The following SAFB2 variants were observed in gnomAD, a reference collection of about 807,000 sequenced individuals.
SAFB2 encodes scaffold attachment factor B2.
SAFB2 carries 32 observed loss-of-function variants against 100.6 expected under a neutral mutation model. That is an observed-to-expected ratio of 0.32 (90% CI 0.24 to 0.43). SAFB2 has a LOEUF of 0.43. Among genes scored for constraint, SAFB2 ranks in the 20% least tolerant of loss-of-function variants. The pLI is 1.00. For synonymous variants in SAFB2, 500 were observed against 439.4 expected, an observed-to-expected ratio of 1.14 and a Z score of -1.72; for missense variants, 1,185 against 1,163.4, an observed-to-expected ratio of 1.02 and a Z score of -0.27.
At chr19:5,592,694 A>C in intron 16 of SAFB2, 53 bp downstream of exon 16, 1 of 1,605,232 alleles carries the variant, frequency 6.2e-7, no homozygotes, top group Non-Finnish European at 8.5e-7. Context: ...GGTCAGCTGG[A>C]TGCCCCGGTG....
At chr19:5,619,672 C>T (rs1022436018) in intron 2 of SAFB2, among the ~76,000 whole-genome samples, 1 of 152,032 alleles carries the variant, frequency 6.6e-6, no homozygotes, top group African/African-American at 2.4e-5. Context: ...GGTGAAACCA[C>T]GTTTCTACTA....
intron 9 of SAFB2, among the ~76,000 whole-genome samples, chr19:5,609,751 T>C (rs2052865778): frequency 6.6e-6 from 1 of 152,228 alleles, no homozygotes; most frequent in Non-Finnish European, 1.5e-5. Flanking sequence ...CCCTAGTTAC[T>C]GTGAGTCAGG....
chr19:5,619,912 T>C lies in SAFB2; in HGVS notation c.274+1397A>G, dbSNP rs60218719. Reference sequence around the variant, plus strand: ...CAAGGATATTTTGAGTAGTAAGTCTTGAACTTTACAGTTTTAAAATGAGCA... The same window carrying C: ...CAAGGATATTTTGAGTAGTAAGTCTCGAACTTTACAGTTTTAAAATGAGCA... On this transcript the variant is annotated intron_variant, in intron 2 of 20. Coordinates refer to ENST00000252542, the MANE Select transcript of SAFB2 (RefSeq NM_014649.3). Among the ~76,000 whole-genome samples the C allele has an allele frequency of 8.8e-3, 1,332 of 152,196 alleles. 14 individuals are homozygous for C. Among genetic ancestry groups the C allele is most frequent in the South Asian group, 0.013 (61 of 4,824 alleles).
rs1310392844 is a variant in SAFB2, at chr19:5,594,032, C to T, written c.2066G>A (p.Arg689His). 2 of 1,570,114 alleles carry T rather than the reference C, an allele frequency of 1.3e-6. No homozygotes were observed. The highest frequency in any genetic ancestry group is 1.7e-6 in the Non-Finnish European group (2 of 1,164,724). The part of the protein sequence containing the change: ...RERMERERLE[R>H]ERMRVERERR... ...CTCACGCTCCACGCGCATGCGCTCG[C>T]GCTCCAGCCGCTCCCGCTCCATGCG... The change falls in exon 15 of 21, where the codon CGC (arginine) becomes CAC (histidine). Residue 689 changes from arginine to histidine, a missense_variant. By Grantham distance (29) the Arg-to-His change is conservative. This residue lies in a region of SAFB2 where 740 missense variants were observed against 687.1 expected (regional missense o/e 1.08). Coordinates refer to ENST00000252542, the MANE Select transcript of SAFB2 (RefSeq NM_014649.3).
At position 5,611,526 on chromosome 19, in the gene SAFB2, C is replaced by T. The variant is rs780031568; in HGVS notation, c.739G>A (p.Val247Met). The T allele has an allele frequency of 1.8e-5, 8 of 454,540 alleles. No homozygotes were observed. The highest frequency in any genetic ancestry group is 2.6e-5 in the Non-Finnish European group (7 of 269,812). The allele number at this position is 454,540 out of a possible 1,614,324, so 28.2% of individuals were successfully genotyped here. The change falls in exon 7 of 21, where the codon GTG becomes ATG. Residue 247 changes from valine to methionine, a missense_variant. By Grantham distance (21) the Val-to-Met change is conservative. Coordinates refer to ENST00000252542, the MANE Select transcript of SAFB2 (RefSeq NM_014649.3). ...EQPFAQDTSSVGPDRKLAEEE... is the reference protein window; with the variant it reads ...EQPFAQDTSSMGPDRKLAEEE... ...TCCGCAAGCTTTCTGTCTGGCCCCA[C>T]GCTACTTGTGTCCTGTGCAAATGGC...
chr19:5,618,200 T>C (rs932889208), intron 2 of SAFB2, among the ~76,000 whole-genome samples: 1 of 151,898 alleles, frequency 6.6e-6, no homozygotes, highest in Admixed American at 6.5e-5. Flanking sequence ...CCGTCTCTAC[T>C]AAAAATAGAA....
Position 5,587,398 on chromosome 19 carries a change from G to GC in SAFB2, c.2706dup (p.Arg903AlafsTer67), listed in dbSNP as rs768534970. ...TGTCCACCTTGTGCAAAGCCGCCTC[G>GC]CCTAGGAACAAAGTCAGACAATTTT... On this transcript the variant is annotated frameshift_variant and splice_region_variant, in exon 21 of 21. Coordinates refer to ENST00000252542, the MANE Select transcript of SAFB2 (RefSeq NM_014649.3). LOFTEE classifies it low-confidence loss of function (END_TRUNC). The surrounding 1 kb of genome is among the most constrained non-coding windows in gnomAD (Gnocchi z 4.9). The GC allele has an allele frequency of 6.2e-7, 1 of 1,609,912 alleles. No individual in the cohort carries two copies. Among genetic ancestry groups the GC allele is most frequent in the South Asian group, 1.1e-5 (1 of 90,302 alleles).
intron 9 of SAFB2, among the ~76,000 whole-genome samples, chr19:5,606,445 G>T (rs947731690): frequency 6.6e-6 from 1 of 152,206 alleles, no homozygotes; most frequent in Non-Finnish European, 1.5e-5. Context: ...GGGCAACACA[G>T]AGAAACCACA....
chr19:5,589,254 G>A (rs1282184926), intron 18 of SAFB2, among the ~76,000 whole-genome samples: 2 of 152,226 alleles, frequency 1.3e-5, no homozygotes, highest in African/African-American at 4.8e-5. Flanking sequence ...GCAAGCGACA[G>A]GACAGGAATG....
Position 5,612,579 on chromosome 19 carries a change from AG to A in SAFB2, c.607-13del. The A allele has an allele frequency of 1.2e-6, 2 of 1,611,600 alleles. No homozygotes were observed. The highest frequency in any genetic ancestry group is 1.7e-6 in the Non-Finnish European group (2 of 1,178,352). On this transcript the variant is annotated splice_polypyrimidine_tract_variant and intron_variant, in intron 5 of 20. Transcript: ENST00000252542. The stretch of plus-strand genomic sequence containing the variant: ...GATTCTTCAATGTCCTATTTAAAAA[AG>A]AAAAAGCAAATCCACAAGTCACTTT...
chr19:5,602,193 G>A (rs1010259580), intron 11 of SAFB2, among the ~76,000 whole-genome samples: 5 of 151,936 alleles, frequency 3.3e-5, no homozygotes, highest in African/African-American at 1.2e-4. Context: ...AAGATCTTAA[G>A]TTCGCCGGGC....
intron 2 of SAFB2, among the ~76,000 whole-genome samples, chr19:5,618,803 G>A (rs1202812206): frequency 1.3e-5 from 2 of 152,218 alleles, no homozygotes; most frequent in African/African-American, 4.8e-5. Flanking sequence ...CCGGCACCTG[G>A]CATTGGCCAA....
intron 18 of SAFB2, 150 bp downstream of exon 18, chr19:5,590,128 G>C (rs2052359120): frequency 1.5e-6 from 1 of 663,416 alleles, no homozygotes; most frequent in Non-Finnish European, 2.4e-6. Flanking sequence ...TGGACTTTCT[G>C]AGTCAGGGGT....
At chr19:5,598,626 A>C in intron 13 of SAFB2, 167 bp downstream of exon 13, 1 of 636,084 alleles carries the variant, frequency 1.6e-6, no homozygotes, top group South Asian at 1.8e-5. Context: ...TGCAGAAAGC[A>C]CCAGGATTCA....
intron 2 of SAFB2, among the ~76,000 whole-genome samples, chr19:5,619,300 G>A (rs1164096466): frequency 6.6e-6 from 1 of 152,130 alleles, no homozygotes; most frequent in Non-Finnish European, 1.5e-5. Context: ...GGCTCTCTCT[G>A]GGCTTGGTTA....
chr19:5,621,945 C>T (rs1254757972), intron 1 of SAFB2, among the ~76,000 whole-genome samples: 5 of 152,234 alleles, frequency 3.3e-5, no homozygotes, highest in Non-Finnish European at 5.9e-5. Context: ...CTGCTTTCAG[C>T]GAGGTGCGAC....
At chr19:5,602,698 C>G (rs1265763118) in intron 11 of SAFB2, among the ~76,000 whole-genome samples, 1 of 152,050 alleles carries the variant, frequency 6.6e-6, no homozygotes, top group Non-Finnish European at 1.5e-5. Context: ...ATTCCCAGTG[C>G]TGGCCACAGG....
Position 5,616,263 on chromosome 19 carries a change from C to T in SAFB2, c.412G>A (p.Glu138Lys), listed in dbSNP as rs1488378942. ...TCTGGAGCACTGCTATTCGCCACTT[C>T]AGTTTCGTCTAGCACACTCATGTCC... ...MMDMSVLDETEVANSSAPDFG... is the reference protein window; with the variant it reads ...MMDMSVLDETKVANSSAPDFG... The change falls in exon 4 of 21, where the codon GAA (glutamate) becomes AAA (lysine). Residue 138 changes from glutamate to lysine, a missense_variant. Transcript: ENST00000252542. 2.5e-6 allele frequency: 4 copies of T among 1,614,222 alleles called. No homozygotes were observed. Among genetic ancestry groups the T allele is most frequent in the Non-Finnish European group, 3.4e-6 (4 of 1,180,040 alleles).
At chr19:5,609,603 A>C (rs1205236899) in intron 9 of SAFB2, among the ~76,000 whole-genome samples, 1 of 152,108 alleles carries the variant, frequency 6.6e-6, no homozygotes, top group African/African-American at 2.4e-5. Context: ...TGTAAGCTTT[A>C]AGTTTTGCAC....
Sources: allele counts gnomAD v4.1 joint callset (sites outside exome capture counted in the v4.1 genomes callset), GRCh38; gene constraint gnomAD v4.1.1; regional missense constraint gnomAD v4.1.1; non-coding constraint Gnocchi (gnomAD v3.1); transcripts MANE v1.5; gene names NCBI Gene and HGNC (gene_info 2026-07-23, HGNC 2026-07-21).